The following ASIC2 variants were observed in gnomAD, a reference collection of about 807,000 sequenced individuals.
The protein encoded by ASIC2 is acid-sensing ion channel 2.
ASIC2 carries 25 observed loss-of-function variants against 57.3 expected under a neutral mutation model. The ratio of observed to expected loss-of-function variants is 0.44; its 90% CI spans 0.32 to 0.61. The LOEUF (loss-of-function observed/expected upper bound fraction) is 0.61, where lower values mean the gene tolerates loss of function less well. Among genes scored for constraint, ASIC2 ranks in the 20% least tolerant of loss-of-function variants. ASIC2 has a pLI of 0.06. For synonymous variants in ASIC2, 319 were observed against 307.5 expected (o/e 1.04, Z -0.39); for missense variants, 641 against 738.1 (o/e 0.87, Z 1.52).
intron 1 of ASIC2, among the ~76,000 whole-genome samples, chr17:34,095,633 T>TTATATATATATATATATATATAATTTTA (rs1567818855): frequency 2.5e-4 from 25 of 98,162 alleles, no homozygotes; most frequent in East Asian, 5.1e-4. Context: ...ATATATAATT[T>TTATATATATATATATATATATAATTTTA]TATATATATA....
chr17:33,372,970 G>T (rs1909136140), intron 1 of ASIC2, among the ~76,000 whole-genome samples: 1 of 152,138 alleles, frequency 6.6e-6, no homozygotes, highest in Non-Finnish European at 1.5e-5. Context: ...TCTAATTTGG[G>T]TTAGGGCGTG....
At chr17:33,609,036 C>G (rs867609410) in intron 1 of ASIC2, among the ~76,000 whole-genome samples, 33 of 152,178 alleles carry the variant, frequency 2.2e-4, no homozygotes, top group South Asian at 1.0e-3. Flanking sequence ...GCACATCAGG[C>G]AAGCTCTTCA....
At chr17:33,398,061 A>G (rs1308323345) in intron 1 of ASIC2, among the ~76,000 whole-genome samples, 1 of 152,100 alleles carries the variant, frequency 6.6e-6, no homozygotes, top group African/African-American at 2.4e-5. Flanking sequence ...GCCTCTGTCT[A>G]TTCTCTTTCC....
At chr17:33,097,383 C>T (rs970877824) in intron 2 of ASIC2, among the ~76,000 whole-genome samples, 1 of 152,202 alleles carries the variant, frequency 6.6e-6, no homozygotes, top group Admixed American at 6.5e-5. Flanking sequence ...ACATCATGCT[C>T]ATTTTTCAGA....
intron 1 of ASIC2, among the ~76,000 whole-genome samples, chr17:34,027,734 A>G (rs9907439): frequency 0.52 from 79,050 of 152,002 alleles, 23,219 homozygotes; most frequent in African/African-American, 0.82. Flanking sequence ...CTCCATTGTC[A>G]CTGATGTGTC....
chr17:34,080,149 A>G (rs895343547), intron 1 of ASIC2, among the ~76,000 whole-genome samples: 3 of 152,224 alleles, frequency 2.0e-5, no homozygotes, highest in African/African-American at 7.2e-5. Context: ...AGTTTCTAAA[A>G]GGGACCATTA....
chr17:33,262,517 C>T (rs1175540342), intron 1 of ASIC2, among the ~76,000 whole-genome samples: 1 of 152,086 alleles, frequency 6.6e-6, no homozygotes, highest in African/African-American at 2.4e-5. Flanking sequence ...TGTAATTGCT[C>T]AAATGCCTAT....
At chr17:33,928,303 A>G (rs1254532303) in intron 1 of ASIC2, among the ~76,000 whole-genome samples, 2 of 152,184 alleles carry the variant, frequency 1.3e-5, no homozygotes, top group East Asian at 1.9e-4. Context: ...TCCCACCAGC[A>G]TAGTGTCCTG....
At chr17:33,297,242 C>T (rs1345599581), upstream of ASIC2, among the ~76,000 whole-genome samples, 2 of 152,208 alleles carry the variant, frequency 1.3e-5, no homozygotes, top group Non-Finnish European at 2.9e-5. Context: ...AGTTTTTGCT[C>T]TTGAGATAGG....
rs192725827 is a variant in ASIC2, at chr17:34,025,417, C to T, written c.555+130561G>A. 2.8e-4 allele frequency among the ~76,000 whole-genome samples: 43 copies of T among 152,258 alleles called. No individual in the cohort carries two copies. In the East Asian group the frequency reaches 7.1e-3, roughly 25 times the overall value. ...CTCGTGGAGTGGACTGCTCAGTGTA[C>T]ACACTTGTTACCCTGAGTGAAGCAC... is the stretch of plus-strand genomic sequence containing the variant. On this transcript the variant is annotated intron_variant, in intron 1 of 9. Coordinates refer to the ASIC2 transcript ENST00000359872.
Position 33,693,658 on chromosome 17 carries a change from G to T in ASIC2, c.555+462320C>A, listed in dbSNP as rs555284366. Among the ~76,000 whole-genome samples, 4 of 152,306 alleles carry T rather than the reference G, an allele frequency of 2.6e-5. No homozygotes were observed. The South Asian group carries it at 6.2e-4, about 24-fold the overall frequency. On this transcript the variant is annotated intron_variant, in intron 1 of 9. Coordinates refer to the ASIC2 transcript ENST00000359872. ...GAGAACCAGGAGAATAAAGAGAAGAGGGGTGTCAAAGGAAAGGAAGCGAAC... is the reference window on the plus strand; with the variant it reads ...GAGAACCAGGAGAATAAAGAGAAGATGGGTGTCAAAGGAAAGGAAGCGAAC...
At chr17:33,058,057 A>G (rs897782098) in intron 3 of ASIC2, among the ~76,000 whole-genome samples, 8 of 152,186 alleles carry the variant, frequency 5.3e-5, no homozygotes, top group African/African-American at 1.9e-4. Context: ...AAAAAAAGGT[A>G]TGTATGCCAG....
At chr17:34,119,412 TAC>T (rs1911529067) in intron 1 of ASIC2, among the ~76,000 whole-genome samples, 1 of 152,212 alleles carries the variant, frequency 6.6e-6, no homozygotes, top group African/African-American at 2.4e-5. Context: ...ACAACATGTA[TAC>T]AGTTTGATGT....
At chr17:33,269,615 C>CTTCCTTCCTTCCTTCCTTCCTTCCTTCT (rs1904368762) in intron 1 of ASIC2, among the ~76,000 whole-genome samples, 1 of 31,724 alleles carries the variant, frequency 3.2e-5, no homozygotes, top group East Asian at 1.0e-3. Context: ...GGCTCCTTCC[C>CTTCCTTCCTTCCTTCCTTCCTTCCTTCT]TTCCTTCCTT....
intron 1 of ASIC2, chr17:33,794,786 G>T (rs1357809242): frequency 6.6e-6 from 1 of 152,064 alleles, no homozygotes; most frequent in Admixed American, 6.5e-5. Flanking sequence ...CATAAAATCA[G>T]CTCATTGCCT....
chr17:33,175,102 A>G (rs149400601), intron 1 of ASIC2, among the ~76,000 whole-genome samples: 28 of 152,350 alleles, frequency 1.8e-4, no homozygotes, highest in African/African-American at 5.5e-4. Context: ...TGAATACGAG[A>G]TGGCTTACAT....
At chr17:33,651,130 C>A (rs1487082118) in intron 1 of ASIC2, among the ~76,000 whole-genome samples, 1 of 149,610 alleles carries the variant, frequency 6.7e-6, no homozygotes, top group Non-Finnish European at 1.5e-5. Flanking sequence ...TTTGTAGAAA[C>A]ACACACACAC....
At chr17:33,826,221 C>A (rs1419101271) in intron 1 of ASIC2, among the ~76,000 whole-genome samples, 2 of 152,220 alleles carry the variant, frequency 1.3e-5, no homozygotes, top group African/African-American at 2.4e-5. Flanking sequence ...AGAACATTTG[C>A]TCCAGCCTTC....
At chr17:33,849,754 T>C (rs1472800087) in intron 1 of ASIC2, among the ~76,000 whole-genome samples, 4 of 152,164 alleles carry the variant, frequency 2.6e-5, no homozygotes, top group Admixed American at 6.5e-5. Context: ...CAAGCAGGAC[T>C]CAGGCATGGA....
Sources: allele counts gnomAD v4.1 joint callset (sites outside exome capture counted in the v4.1 genomes callset), GRCh38; gene constraint gnomAD v4.1.1; transcripts MANE v1.5; gene names NCBI Gene and HGNC (gene_info 2026-07-23, HGNC 2026-07-21).